ZEB2: variants seen among roughly 807,000 people sequenced by gnomAD.
ZEB2 encodes the protein zinc finger E-box binding homeobox 2.
Under a neutral mutation model 99.9 loss-of-function variants are expected in ZEB2, and 6 were observed. The observed-to-expected ratio is 0.06, with a 90% confidence interval of 0.03 to 0.12. ZEB2 has a LOEUF of 0.12. Among genes scored for constraint, ZEB2 ranks in the 10% least tolerant of loss-of-function variants. The probability of loss-of-function intolerance (pLI) is 1.00; values close to 1 mark genes in which losing one functional copy is unlikely to be tolerated. For missense variants in ZEB2, 969 were observed against 1,502.8 expected (o/e 0.64, Z 5.87); for synonymous variants, 517 against 542.5 (o/e 0.95, Z 0.65).
intron 2 of ZEB2, among the ~76,000 whole-genome samples, chr2:144,479,843 T>G (rs1704485192): frequency 6.6e-6 from 1 of 152,282 alleles, no homozygotes; most frequent in South Asian, 2.1e-4. Context: ...GCATAAGGTC[T>G]CTGTTGTGAC....
At chr2:144,484,137 C>T (rs984988729) in intron 2 of ZEB2, among the ~76,000 whole-genome samples, 3 of 148,180 alleles carry the variant, frequency 2.0e-5, no homozygotes, top group Admixed American at 6.8e-5. Flanking sequence ...TATGTGGGCC[C>T]GAAACACCAG....
intron 2 of ZEB2, chr2:144,494,431 A>C (rs961717363): frequency 6.6e-6 from 1 of 152,218 alleles, no homozygotes; most frequent in East Asian, 1.9e-4. Context: ...CAGACATTTC[A>C]ATCAAATTTT....
At chr2:144,471,737 T>C (rs1704358773) in intron 2 of ZEB2, among the ~76,000 whole-genome samples, 1 of 151,906 alleles carries the variant, frequency 6.6e-6, no homozygotes, top group Non-Finnish European at 1.5e-5. Context: ...CTAAAATTAA[T>C]AAGCACAATT....
intron 2 of ZEB2, among the ~76,000 whole-genome samples, chr2:144,489,876 C>T (rs1704651594): frequency 6.6e-6 from 1 of 152,204 alleles, no homozygotes; most frequent in African/African-American, 2.4e-5. Flanking sequence ...GCAAGGAAAT[C>T]TTTTCAGGAC....
intron 4 of ZEB2, among the ~76,000 whole-genome samples, chr2:144,409,286 T>C (rs547244612): frequency 2.6e-4 from 39 of 152,268 alleles, no homozygotes; most frequent in Admixed American, 5.9e-4. Flanking sequence ...CTCAGAATTG[T>C]TGGGAAGAAT....
intron 2 of ZEB2, among the ~76,000 whole-genome samples, chr2:144,431,179 G>A (rs187989213): frequency 1.6e-4 from 24 of 152,206 alleles, no homozygotes; most frequent in East Asian, 1.2e-3. Flanking sequence ...GCAATCCTCC[G>A]CTAAGTTATC....
At chr2:144,513,377 T>C in intron 2 of ZEB2, 1 of 1,338,808 alleles carries the variant, frequency 7.5e-7, no homozygotes, top group East Asian at 4.4e-5. Flanking sequence ...AAGGCATTTG[T>C]AAAAAGCTCC....
At chr2:144,515,202 A>T (rs1020223313) in intron 2 of ZEB2, among the ~76,000 whole-genome samples, 23 of 101,860 alleles carry the variant, frequency 2.3e-4, no homozygotes, top group South Asian at 1.0e-3. Flanking sequence ...TTTTTCTCTC[A>T]AAAAAAAAAA....
chr2:144,416,170 A>C (rs1007087079), intron 4 of ZEB2, among the ~76,000 whole-genome samples: 12 of 152,224 alleles, frequency 7.9e-5, no homozygotes, highest in African/African-American at 2.9e-4. Context: ...GTGTACTTCA[A>C]TGTGACAATC....
At chr2:144,486,942 T>G (rs1015733541) in intron 2 of ZEB2, among the ~76,000 whole-genome samples, 26 of 152,232 alleles carry the variant, frequency 1.7e-4, no homozygotes, top group Admixed American at 2.0e-4. Flanking sequence ...TATTTTATTT[T>G]GCAGGTGTAT....
intron 1 of ZEB2, chr2:144,519,586 G>C (rs1169528316): frequency 5.2e-6 from 1 of 192,808 alleles, no homozygotes; most frequent in East Asian, 1.4e-4. Context: ...CTCTCCCCTT[G>C]ATGAGTTTTT....
At chr2:144,406,372 G>C (rs1703387157) in intron 4 of ZEB2, among the ~76,000 whole-genome samples, 2 of 152,178 alleles carry the variant, frequency 1.3e-5, no homozygotes, top group African/African-American at 4.8e-5. Context: ...TATCTCCAAA[G>C]TAAACACATC....
intron 5 of ZEB2, 31 bp from the exon 6 acceptor site, chr2:144,404,161 C>A: frequency 6.2e-7 from 1 of 1,607,596 alleles, no homozygotes; most frequent in Non-Finnish European, 8.5e-7. Flanking sequence ...GAGAGAGAAG[C>A]GGGCCAAAAG....
chr2:144,465,257 T>C (rs895679704), intron 2 of ZEB2, among the ~76,000 whole-genome samples: 1 of 152,184 alleles, frequency 6.6e-6, no homozygotes, highest in Non-Finnish European at 1.5e-5. Flanking sequence ...AGCACTGAGA[T>C]TTTACTTCCC....
intron 2 of ZEB2, among the ~76,000 whole-genome samples, chr2:144,445,275 T>C (rs2149897568): frequency 6.7e-6 from 1 of 148,234 alleles, no homozygotes; most frequent in South Asian, 2.2e-4. Context: ...CTTTTTTTTT[T>C]TTTTTTTTTT....
At chr2:144,449,282 CA>C (rs534823626) in intron 2 of ZEB2, among the ~76,000 whole-genome samples, 1 of 152,302 alleles carries the variant, frequency 6.6e-6, no homozygotes, top group East Asian at 1.9e-4. Flanking sequence ...ACACAGAAGA[CA>C]GGGGGAGCTA....
intron 9 of ZEB2, among the ~76,000 whole-genome samples, chr2:144,391,973 G>T (rs1382003744): frequency 6.6e-6 from 1 of 152,160 alleles, no homozygotes. Flanking sequence ...CTTATATAAA[G>T]CATTTAGTAC....
At chr2:144,450,942 C>T (rs538174276) in intron 2 of ZEB2, among the ~76,000 whole-genome samples, 16 of 152,146 alleles carry the variant, frequency 1.1e-4, no homozygotes, top group Middle Eastern at 3.4e-3. Context: ...CCTCCCAAAG[C>T]GCTGGGATTA....
intron 1 of ZEB2, 30 bp downstream of exon 1, chr2:144,519,909 A>C: frequency 2.3e-6 from 1 of 434,634 alleles, no homozygotes. Flanking sequence ...AGGGATAAAA[A>C]GAGAGAAAAG....
Sources: allele counts gnomAD v4.1 joint callset (sites outside exome capture counted in the v4.1 genomes callset), GRCh38; gene constraint gnomAD v4.1.1; transcripts MANE v1.5; gene names NCBI Gene and HGNC (gene_info 2026-07-23, HGNC 2026-07-21).